Variants in PARD3B observed in about 807,000 individuals in gnomAD.
The protein encoded by PARD3B is partitioning defective 3 homolog B.
In PARD3B, 103 loss-of-function variants were observed where a neutral mutation model predicts 130.2. The ratio of observed to expected loss-of-function variants is 0.79; its 90% CI spans 0.67 to 0.93. The LOEUF (loss-of-function observed/expected upper bound fraction) is 0.93. Ranked by LOEUF, PARD3B falls within the 40% of genes least tolerant of loss-of-function variation. The probability of loss-of-function intolerance (pLI) is 0.00; values close to 1 mark genes in which losing one functional copy is unlikely to be tolerated. For synonymous variants in PARD3B, 583 were observed against 553.2 expected (o/e 1.05, Z -0.76); for missense variants, 1,609 against 1,499.2 (o/e 1.07, Z -1.21).
chr2:204,857,304 C>T (rs893738803), intron 2 of PARD3B, among the ~76,000 whole-genome samples: 1 of 152,112 alleles, frequency 6.6e-6, no homozygotes, highest in African/African-American at 2.4e-5. Context: ...AAAAGTAACT[C>T]TTTATCTTAA....
At chr2:205,114,755 T>C (rs899094632) in intron 6 of PARD3B, among the ~76,000 whole-genome samples, 72 of 1,118 alleles carry the variant, frequency 0.064, no homozygotes, top group Admixed American at 0.097. Context: ...GTCATCACCT[T>C]TTTTTTTTTT....
intron 2 of PARD3B, among the ~76,000 whole-genome samples, chr2:204,778,857 G>A (rs911013357): frequency 6.6e-6 from 1 of 151,936 alleles, no homozygotes; most frequent in Non-Finnish European, 1.5e-5. Context: ...CTATGCGTAC[G>A]TCCGATCATG....
chr2:204,553,638 ATT>A (rs541713914), intron 1 of PARD3B, among the ~76,000 whole-genome samples: 1 of 127,262 alleles, frequency 7.9e-6, no homozygotes, highest in East Asian at 2.2e-4. Flanking sequence ...ATGGATATAT[ATT>A]TATATATATC....
At chr2:205,277,567 G>A (rs1319322495) in intron 16 of PARD3B, among the ~76,000 whole-genome samples, 1 of 152,140 alleles carries the variant, frequency 6.6e-6, no homozygotes, top group African/African-American at 2.4e-5. Flanking sequence ...TGGTAGAAGT[G>A]ATGTCTAAAA....
intron 2 of PARD3B, among the ~76,000 whole-genome samples, chr2:204,709,590 A>G (rs2125296015): frequency 6.6e-6 from 1 of 152,322 alleles, no homozygotes; most frequent in African/African-American, 2.4e-5. Context: ...ACAGTGGACC[A>G]TCTACCTAGT....
intron 6 of PARD3B, among the ~76,000 whole-genome samples, chr2:205,114,615 A>G (rs1408998852): frequency 2.0e-5 from 3 of 152,100 alleles, no homozygotes; most frequent in Admixed American, 1.3e-4. Context: ...AAGGTTATAT[A>G]GTATTAATTT....
chr2:204,878,792 A>G (rs2045936690), intron 2 of PARD3B, among the ~76,000 whole-genome samples: 1 of 152,198 alleles, frequency 6.6e-6, no homozygotes, highest in East Asian at 1.9e-4. Context: ...CAGGATTAAG[A>G]GCAGAACTTT....
At chr2:205,177,125 C>T (rs2035519589) in intron 13 of PARD3B, among the ~76,000 whole-genome samples, 1 of 152,040 alleles carries the variant, frequency 6.6e-6, no homozygotes, top group Non-Finnish European at 1.5e-5. Flanking sequence ...TAGCTGACTC[C>T]AGATGTAAAA....
At chr2:205,442,946 G>C (rs997856069) in intron 20 of PARD3B, among the ~76,000 whole-genome samples, 2 of 152,134 alleles carry the variant, frequency 1.3e-5, no homozygotes, top group African/African-American at 4.8e-5. Context: ...TTTCAATAGA[G>C]TTTTCACCGC....
chr2:205,401,102 A>C lies in PARD3B; in HGVS notation c.2720A>C (p.Lys907Thr). The change falls in exon 19 of 23, where the codon AAA becomes ACA. Residue 907 changes from lysine (K) to threonine (T), a missense_variant. Physicochemically the swap from Lys to Thr is moderately conservative, Grantham distance 78. Coordinates refer to ENST00000406610, the MANE Select transcript of PARD3B (RefSeq NM_001302769.2). ...GGCCTGAGAGAAGAAGAGCTGGAGA[A>C]AATGAAAGAAGAGCGTGAAAGGTGA... ...HGGLREEELEKMKEERERIGA... is the reference protein window; with the variant it reads ...HGGLREEELETMKEERERIGA... The C allele has an allele frequency of 6.3e-7, 1 of 1,597,670 alleles. No individual in the cohort carries two copies. The highest frequency in any genetic ancestry group is 8.5e-7 in the Non-Finnish European group (1 of 1,171,784).
rs184535411 is a variant in PARD3B at position 205,037,249 on chromosome 2, A to C, written c.395-10332A>C. On this transcript the variant is annotated intron_variant, in intron 3 of 22. Coordinates refer to ENST00000406610, the MANE Select transcript of PARD3B (RefSeq NM_001302769.2). ...TATATAGTGGACTGTGTATATAAAA[A>C]TATATATATAGTGGACTATTTGTAT... Among the ~76,000 whole-genome samples, 76 of 147,420 alleles carry C rather than the reference A, an allele frequency of 5.2e-4. 1 individual carries two copies. In the East Asian group the frequency reaches 0.015, roughly 30 times the overall value.
chr2:205,301,443 G>T lies in PARD3B; in HGVS notation c.2393-21G>T. On this transcript the variant is annotated intron_variant, in intron 17 of 22. Coordinates refer to ENST00000406610, the MANE Select transcript of PARD3B (RefSeq NM_001302769.2). This position sits in a 1 kb window ranked among gnomAD's most constrained non-coding sequence, Gnocchi z 5.2. ...GAGTGTGCCCCTGACCATGGGTATT[G>T]ATTATTTTTTCTCTGTACAGACGGT... 1.9e-6 allele frequency: 3 copies of T among 1,587,640 alleles called. No individual in the cohort carries two copies. In the South Asian group the frequency reaches 3.5e-5, roughly 18 times the overall value.
chr2:205,153,589 A>G (rs2033908392), intron 10 of PARD3B, among the ~76,000 whole-genome samples: 3 of 152,178 alleles, frequency 2.0e-5, no homozygotes, highest in Admixed American at 2.0e-4. Context: ...CATTGCCAAG[A>G]CAATCCTAAC....
rs181589038 is a variant in PARD3B, at chr2:204,799,475, C to A, written c.222+113193C>A. ...TACCCTGACGGGGACACAAGCCTCT[C>A]TGGGTTTCCCATCTGCTCACTGAAG... On this transcript the variant is annotated intron_variant, in intron 2 of 22. Transcript: ENST00000406610. The surrounding 1 kb of genome is among the most constrained non-coding windows in gnomAD (Gnocchi z 4.1). 6.6e-6 allele frequency among the ~76,000 whole-genome samples: 1 copy of A among 152,332 alleles called. No homozygotes were observed. The highest frequency in any genetic ancestry group is 6.5e-5 in the Admixed American group (1 of 15,308).
At chr2:205,556,787 A>C (rs555031883) in intron 22 of PARD3B, among the ~76,000 whole-genome samples, 1 of 152,124 alleles carries the variant, frequency 6.6e-6, no homozygotes, top group African/African-American at 2.4e-5. Context: ...GCATTCCTTT[A>C]TTCTTGCCTG....
At position 204,550,309 on chromosome 2, in the gene PARD3B, A is replaced by C. The variant is rs553015038; in HGVS notation, c.120+4190A>C. Among the ~76,000 whole-genome samples the C allele has an allele frequency of 5.3e-5, 8 of 152,282 alleles. No homozygotes were observed. In the South Asian group the frequency reaches 1.7e-3, roughly 32 times the overall value. On this transcript the variant is annotated intron_variant, in intron 1 of 22. Transcript: ENST00000406610. ...CTGTTTAGGGAATAGTGACAAGAAA[A>C]TTGTGTGTGTGTGTTCAGTACACGT...
chr2:205,378,765 G>A (rs1380567363), intron 18 of PARD3B, among the ~76,000 whole-genome samples: 2 of 151,300 alleles, frequency 1.3e-5, no homozygotes, highest in Non-Finnish European at 2.9e-5. Context: ...CTGAGTATTT[G>A]GGACTACAGG....
intron 2 of PARD3B, among the ~76,000 whole-genome samples, chr2:204,868,410 A>G (rs1265538481): frequency 6.6e-6 from 1 of 152,194 alleles, no homozygotes; most frequent in African/African-American, 2.4e-5. Flanking sequence ...CCCAGTACCC[A>G]TAAGTAGTGG....
intron 1 of PARD3B, among the ~76,000 whole-genome samples, chr2:204,656,683 T>C (rs2035650745): frequency 6.6e-6 from 1 of 152,166 alleles, no homozygotes. Flanking sequence ...TTTTGAAAGG[T>C]AGGCATGTTT....
Sources: allele counts gnomAD v4.1 joint callset (sites outside exome capture counted in the v4.1 genomes callset), GRCh38; gene constraint gnomAD v4.1.1; non-coding constraint Gnocchi (gnomAD v3.1); transcripts MANE v1.5; gene names NCBI Gene and HGNC (gene_info 2026-07-23, HGNC 2026-07-21).